The following BTD variants were observed in gnomAD, a reference collection of about 807,000 sequenced individuals.
BTD encodes biotinidase, also known as biocytinase.
Under a neutral mutation model 17.7 loss-of-function variants are expected in BTD, and 13 were observed. The observed-to-expected ratio is 0.74, with a 90% CI of 0.48 to 1.17. The LOEUF (loss-of-function observed/expected upper bound fraction) is 1.17, where lower values mean the gene tolerates loss of function less well. Among genes scored for constraint, BTD ranks in the 50% most tolerant of loss-of-function variants. BTD has a pLI of 0.00. For missense variants in BTD, 674 were observed against 650.4 expected, an observed-to-expected ratio of 1.04 and a Z score of -0.39; for synonymous variants, 240 against 245.2, an observed-to-expected ratio of 0.98 and a Z score of 0.20.
chr3:15,720,251 T>C (rs1334834093), intron 4 of BTD, among the ~76,000 whole-genome samples: 1 of 152,148 alleles, frequency 6.6e-6, no homozygotes, highest in Non-Finnish European at 1.5e-5. Flanking sequence ...ATTCCTTATG[T>C]GCAACACACT....
At chr3:15,611,095 C>G (rs77951575) in intron 1 of BTD, among the ~76,000 whole-genome samples, 2,055 of 152,150 alleles carry the variant, frequency 0.014, 22 homozygotes, top group Non-Finnish European at 0.021. Flanking sequence ...TGTATTTTAC[C>G]TGGAAAAATC....
chr3:15,628,194 C>T (rs2065113954), intron 1 of BTD, among the ~76,000 whole-genome samples: 1 of 152,228 alleles, frequency 6.6e-6, no homozygotes, highest in African/African-American at 2.4e-5. Flanking sequence ...GTATCCACCA[C>T]ATGCTTAGAG....
At chr3:15,617,636 T>G (rs912537989) in intron 1 of BTD, among the ~76,000 whole-genome samples, 2 of 152,192 alleles carry the variant, frequency 1.3e-5, no homozygotes, top group African/African-American at 4.8e-5. Flanking sequence ...TAGAGTTCAA[T>G]AGTTTTCTTT....
chr3:15,620,645 A>G (rs1372950340), intron 1 of BTD, among the ~76,000 whole-genome samples: 3 of 152,268 alleles, frequency 2.0e-5, no homozygotes, highest in African/African-American at 7.2e-5. Flanking sequence ...GCCTACGAAG[A>G]TAACAGGATT....
In BTD at chr3:15,648,545, G is replaced by C. The variant is rs368235838; in HGVS notation, c.*3057G>C. Among the ~76,000 whole-genome samples the C allele has an allele frequency of 1.3e-5, 2 of 152,322 alleles. No homozygotes were observed. The highest frequency in any genetic ancestry group is 3.9e-4 in the East Asian group (2 of 5,182). On this transcript the variant is annotated 3_prime_UTR_variant, in exon 4 of 4. Transcript: ENST00000643237. The stretch of plus-strand genomic sequence containing the variant: ...TCACCCAGTTCTGTGGGGCAGGAAA[G>C]CGGGTCTCTCATGAGGCTACAGTCA...
chr3:15,709,407 G>C (rs1192175518), intron 3 of BTD, among the ~76,000 whole-genome samples: 3 of 152,078 alleles, frequency 2.0e-5, no homozygotes, highest in Admixed American at 1.3e-4. Context: ...TTTTTGGAGG[G>C]GGGGAAGTGA....
intron 2 of BTD, 125 bp from the exon 3 acceptor site, chr3:15,641,783 C>A: frequency 1.4e-6 from 1 of 740,674 alleles, no homozygotes; most frequent in Non-Finnish European, 2.4e-6. Context: ...CATCTCTGTG[C>A]CTCTGGTTCC....
chr3:15,643,050 T>TAAAAAA (rs145247612), intron 3 of BTD, among the ~76,000 whole-genome samples: 3 of 140,550 alleles, frequency 2.1e-5, no homozygotes, highest in African/African-American at 8.5e-5. Context: ...AAAAATAAAA[T>TAAAAAA]AAAATAAAGA....
chr3:15,690,979 C>G (rs1017659689), intron 3 of BTD, among the ~76,000 whole-genome samples: 2 of 152,116 alleles, frequency 1.3e-5, no homozygotes, highest in Non-Finnish European at 2.9e-5. Flanking sequence ...CTGACCATAC[C>G]CACCCCATAA....
chr3:15,694,803 G>A (rs142158941), intron 3 of BTD: 2 of 1,613,346 alleles, frequency 1.2e-6, no homozygotes, highest in East Asian at 2.2e-5. Flanking sequence ...TGTTCCTGAG[G>A]TTTCCATTAA....
chr3:15,644,461 A>C lies in BTD; in HGVS notation c.545A>C (p.Asn182Thr). 4 of 1,614,208 alleles carry C rather than the reference A, an allele frequency of 2.5e-6. No individual in the cohort carries two copies. The highest frequency in any genetic ancestry group is 3.4e-6 in the Non-Finnish European group (4 of 1,180,030). Residue 182 changes from asparagine (N) to threonine (T), a missense_variant, in exon 4 of 4, where the codon AAT (asparagine) becomes ACT (threonine). Transcript: ENST00000643237. Reference sequence around the variant, plus strand: ...TTCAACACAAATGTCGTGTTCAGCAATAATGGAACCCTTGTTGACCGCTAC... The same window carrying C: ...TTCAACACAAATGTCGTGTTCAGCACTAATGGAACCCTTGTTGACCGCTAC... ...YQFNTNVVFS[N>T]NGTLVDRYRK...
At chr3:15,692,659 C>T (rs1018027414) in intron 3 of BTD, among the ~76,000 whole-genome samples, 3 of 152,058 alleles carry the variant, frequency 2.0e-5, no homozygotes, top group East Asian at 1.9e-4. Flanking sequence ...CAAGTTGTCC[C>T]GAATGGGAGA....
At chr3:15,713,983 C>T (rs567355968), downstream of BTD, among the ~76,000 whole-genome samples, 3 of 152,340 alleles carry the variant, frequency 2.0e-5, no homozygotes, top group East Asian at 3.9e-4. Context: ...GTCATCAAGA[C>T]TGCATGCAAT....
At chr3:15,713,581 T>C (rs1455443393), downstream of BTD, 4 of 1,611,094 alleles carry the variant, frequency 2.5e-6, no homozygotes, top group Non-Finnish European at 3.4e-6. Context: ...CTCATGGCCA[T>C]ACCGTGCTGC....
At chr3:15,658,841 A>G (rs918556206) in intron 3 of BTD, among the ~76,000 whole-genome samples, 1 of 152,234 alleles carries the variant, frequency 6.6e-6, no homozygotes, top group Non-Finnish European at 1.5e-5. Flanking sequence ...CATTTATACC[A>G]GAACCCTGGA....
At chr3:15,634,551 A>G (rs1004967257) in intron 1 of BTD, among the ~76,000 whole-genome samples, 3 of 152,206 alleles carry the variant, frequency 2.0e-5, no homozygotes, top group African/African-American at 7.2e-5. Context: ...CAGAAGTATC[A>G]TTTATTTCTA....
chr3:15,706,434 G>A (rs543548839), intron 3 of BTD, among the ~76,000 whole-genome samples: 1 of 152,064 alleles, frequency 6.6e-6, no homozygotes, highest in African/African-American at 2.4e-5. Context: ...CTTTTTTATG[G>A]CTGCATAGTA....
chr3:15,676,989 T>C, intron 3 of BTD: 2 of 1,613,184 alleles, frequency 1.2e-6, no homozygotes, highest in Non-Finnish European at 1.7e-6. Flanking sequence ...CAAGGCTGCG[T>C]TGGTTGCATT....
At chr3:15,639,710 A>G (rs541705152) in intron 2 of BTD, among the ~76,000 whole-genome samples, 2 of 152,338 alleles carry the variant, frequency 1.3e-5, no homozygotes, top group South Asian at 2.1e-4. Flanking sequence ...TTTTCTTTAC[A>G]TGGTCATTGC....
Sources: gnomAD v4.1 joint callset for allele counts (sites outside exome capture counted in the v4.1 genomes callset) on GRCh38, gnomAD v4.1.1 for gene constraint, MANE v1.5 for transcripts, NCBI Gene and HGNC (gene_info 2026-07-23, HGNC 2026-07-21) for gene names.